MYO9B: variants seen among roughly 807,000 people sequenced by gnomAD.
MYO9B encodes myosin IXB.
In MYO9B, 71 loss-of-function variants were observed where a neutral mutation model predicts 229.5. The observed-to-expected ratio is 0.31, with a 90% CI of 0.26 to 0.38. The LOEUF (loss-of-function observed/expected upper bound fraction) is 0.38. Ranked by LOEUF, MYO9B falls within the 10% of genes least tolerant of loss-of-function variation. MYO9B has a pLI of 1.00. For missense variants in MYO9B, 2,255 were observed against 2,920.5 expected, an observed-to-expected ratio of 0.77 and a Z score of 5.25; for synonymous variants, 1,185 against 1,235.8, an observed-to-expected ratio of 0.96 and a Z score of 0.86.
chr19:17,166,346 G>A (rs933272836), intron 10 of MYO9B, among the ~76,000 whole-genome samples: 32 of 152,134 alleles, frequency 2.1e-4, no homozygotes, highest in Non-Finnish European at 1.8e-4. Context: ...CCCAGCCCTT[G>A]TGTGATATTT....
chr19:17,183,872 A>C lies in MYO9B; in HGVS notation c.2373+4A>C, dbSNP rs1240527712. ...ACAAAAGCAGATCATTCCAAAGGTA[A>C]AAAAAAAAACACACCCCGCGCGACA... On this transcript the variant is annotated splice_donor_region_variant and intron_variant, in intron 16 of 39. Coordinates refer to ENST00000682292, the MANE Select transcript of MYO9B (RefSeq NM_004145.4). The C allele has an allele frequency of 6.5e-7, 1 of 1,534,252 alleles. No homozygotes were observed. The highest frequency in any genetic ancestry group is 8.8e-7 in the Non-Finnish European group (1 of 1,137,614).
At chr19:17,187,152 G>A (rs1357768439) in intron 18 of MYO9B, among the ~76,000 whole-genome samples, 1 of 152,170 alleles carries the variant, frequency 6.6e-6, no homozygotes, top group Non-Finnish European at 1.5e-5. Flanking sequence ...TCTCTCCCCT[G>A]GCAGGAAGCA....
chr19:17,109,550 G>C (rs1017553131), intron 2 of MYO9B, among the ~76,000 whole-genome samples: 1 of 152,154 alleles, frequency 6.6e-6, no homozygotes, highest in Non-Finnish European at 1.5e-5. Flanking sequence ...AAAGTATTAC[G>C]GGCTGGGAGC....
At chr19:17,185,826 C>A in intron 17 of MYO9B, 95 bp from the exon 18 acceptor site, 1 of 976,376 alleles carries the variant, frequency 1.0e-6, no homozygotes, top group Non-Finnish European at 1.6e-6. Context: ...CCATCCACCC[C>A]ACACTGATGC....
At chr19:17,186,796 T>A (rs1045105221) in intron 18 of MYO9B, among the ~76,000 whole-genome samples, 1 of 152,076 alleles carries the variant, frequency 6.6e-6, no homozygotes, top group Non-Finnish European at 1.5e-5. Context: ...AGTGGTGCGA[T>A]CTCGGCTCAC....
rs1469794363 is a variant in MYO9B at position 17,136,666 on chromosome 19, A to C, written c.841-8731A>C. The stretch of plus-strand genomic sequence containing the variant: ...GTAGTGCACAGGACGCCCCCATCAC[A>C]CAGGATGGTTCACCCTCAAAAAGTC... On this transcript the variant is annotated intron_variant, in intron 2 of 39. Transcript: ENST00000682292. Among the ~76,000 whole-genome samples, 3 of 152,058 alleles carry C rather than the reference A, an allele frequency of 2.0e-5. No individual in the cohort carries two copies. The East Asian group carries it at 5.8e-4, about 29-fold the overall frequency.
chr19:17,209,874 A>G (rs2073206163), intron 36 of MYO9B, among the ~76,000 whole-genome samples, 165 bp downstream of exon 36: 1 of 151,732 alleles, frequency 6.6e-6, no homozygotes, highest in South Asian at 2.1e-4. Flanking sequence ...GGGACCGGGT[A>G]GTGGGTGTGG....
chr19:17,165,352 C>G (rs563259978), intron 10 of MYO9B, among the ~76,000 whole-genome samples: 2 of 150,212 alleles, frequency 1.3e-5, no homozygotes, highest in Non-Finnish European at 3.0e-5. Context: ...CAGACGAGAC[C>G]CTGTCTCAAA....
Position 17,156,961 on chromosome 19 carries a change from A to G in MYO9B, c.1252A>G (p.Lys418Glu). The change falls in exon 7 of 40, where the codon AAG (lysine) becomes GAG (glutamate). Residue 418 changes from lysine (K) to glutamate (E), a missense_variant. Lys to Glu is a moderately conservative substitution (Grantham distance 56, BLOSUM62 1). This residue lies in a region of MYO9B where 220 missense variants were observed against 404.5 expected (regional missense o/e 0.54). Coordinates refer to ENST00000682292, the MANE Select transcript of MYO9B (RefSeq NM_004145.4). ...GTACCTGGGCAACGTCACTTATAAG[A>G]AGAGAGCTACAGGCCGAGAGGAAGG... is the stretch of plus-strand genomic sequence containing the variant. ...ILYLGNVTYK[K>E]RATGREEGLE... The G allele has an allele frequency of 6.2e-7, 1 of 1,613,882 alleles. No individual in the cohort carries two copies. Among genetic ancestry groups the G allele is most frequent in the South Asian group, 1.1e-5 (1 of 91,072 alleles).
chr19:17,093,439 C>G (rs1437334105), intron 1 of MYO9B, among the ~76,000 whole-genome samples: 3 of 152,156 alleles, frequency 2.0e-5, no homozygotes, highest in Non-Finnish European at 4.4e-5. Context: ...CCCTGTGGAG[C>G]TGCCTGGGAA....
rs1022742020 is a variant in MYO9B, at chr19:17,102,261, A to C, written c.544A>C (p.Ile182Leu). The C allele has an allele frequency of 8.7e-6, 14 of 1,613,912 alleles. No individual in the cohort carries two copies. Among genetic ancestry groups the C allele is most frequent in the Non-Finnish European group, 1.2e-5 (14 of 1,179,896 alleles). ...QQKIYTYAGSILVAINPFKFL... is the reference protein window; with the variant it reads ...QQKIYTYAGSLLVAINPFKFL... ...AAAGATCTACACGTACGCGGGGAGC[A>C]TCCTGGTGGCCATCAACCCCTTTAA... Residue 182 changes from isoleucine to leucine, a missense_variant, in exon 2 of 40, where the codon ATC (isoleucine) becomes CTC (leucine). Ile to Leu is a conservative substitution (Grantham distance 5, BLOSUM62 2). Transcript: ENST00000682292.
chr19:17,089,818 C>T (rs986905808), intron 1 of MYO9B, among the ~76,000 whole-genome samples: 1 of 152,106 alleles, frequency 6.6e-6, no homozygotes, highest in African/African-American at 2.4e-5. Flanking sequence ...TGTAATTTAT[C>T]ATGAGTAACA....
chr19:17,180,349 T>C (rs1173599595), intron 14 of MYO9B, among the ~76,000 whole-genome samples: 2 of 122,130 alleles, frequency 1.6e-5, no homozygotes, highest in African/African-American at 3.1e-5. Context: ...TAATTTTTTT[T>C]TTTTTTTTTT....
At chr19:17,209,457 G>T (rs1262108117) in intron 35 of MYO9B, 129 bp from the exon 36 acceptor site, 1 of 937,936 alleles carries the variant, frequency 1.1e-6, no homozygotes, top group Admixed American at 2.5e-5. Context: ...TGGCACAGCC[G>T]TGTCCCAGGC....
chr19:17,159,522 C>A, intron 8 of MYO9B, 38 bp downstream of exon 8: 1 of 1,550,102 alleles, frequency 6.5e-7, no homozygotes, highest in East Asian at 2.3e-5. Flanking sequence ...TGCCAGATCC[C>A]AAAAACCAAG....
intron 2 of MYO9B, among the ~76,000 whole-genome samples, chr19:17,143,044 G>T (rs954132333): frequency 6.6e-6 from 1 of 152,094 alleles, no homozygotes; most frequent in African/African-American, 2.4e-5. Context: ...TTCGAGACCA[G>T]CCTGGACAAC....
chr19:17,084,549 C>T (rs1181955157), intron 1 of MYO9B, among the ~76,000 whole-genome samples: 8 of 151,712 alleles, frequency 5.3e-5, no homozygotes, highest in African/African-American at 1.9e-4. Flanking sequence ...TGGTAGCATC[C>T]TCCCTGTCCC....
At chr19:17,090,118 C>CTTTTTTTTTTTTTTTTTTTTTT (rs59440394) in intron 1 of MYO9B, among the ~76,000 whole-genome samples, 1 of 49,236 alleles carries the variant, frequency 2.0e-5, no homozygotes, top group Non-Finnish European at 3.7e-5. Context: ...TGCTTCCTTC[C>CTTTTTTTTTTTTTTTTTTTTTT]TTTTTTTTTT....
chr19:17,141,260 C>T (rs2072335671), intron 2 of MYO9B, among the ~76,000 whole-genome samples: 1 of 152,094 alleles, frequency 6.6e-6, no homozygotes, highest in South Asian at 2.1e-4. Context: ...CCACCACCTA[C>T]CCCACCCCCT....
Sources: gnomAD v4.1 joint callset for allele counts (sites outside exome capture counted in the v4.1 genomes callset) on GRCh38, gnomAD v4.1.1 for gene constraint, gnomAD v4.1.1 regional missense constraint, MANE v1.5 for transcripts, NCBI Gene and HGNC (gene_info 2026-07-23, HGNC 2026-07-21) for gene names.